The following SF3B3 variants were observed in gnomAD, a reference collection of about 807,000 sequenced individuals.
SF3B3 encodes the protein SAP 130.
A neutral mutation model predicts 139.2 loss-of-function variants in SF3B3; 33 were observed. That is an observed-to-expected ratio of 0.24 (90% CI 0.18 to 0.32). The LOEUF is 0.32. Among genes scored for constraint, SF3B3 ranks in the 10% least tolerant of loss-of-function variants. The pLI is 1.00. For missense variants in SF3B3, 818 were observed against 1,509.4 expected (o/e 0.54, Z 7.59); for synonymous variants, 596 against 563.6 (o/e 1.06, Z -0.81).
intron 6 of SF3B3, among the ~76,000 whole-genome samples, chr16:70,535,873 G>GT (rs960350042): frequency 9.9e-5 from 15 of 150,788 alleles, no homozygotes; most frequent in African/African-American, 3.4e-4. Flanking sequence ...TGCTACATTT[G>GT]TTTTTTCTTT....
At chr16:70,569,820 C>G in intron 23 of SF3B3, 186 bp from the exon 24 acceptor site, 2 of 603,148 alleles carry the variant, frequency 3.3e-6, no homozygotes, top group Non-Finnish European at 5.8e-6. Context: ...GTATACGAGA[C>G]CTCACTGTGT....
chr16:70,558,667 G>A (rs2050400420), intron 15 of SF3B3, among the ~76,000 whole-genome samples: 1 of 152,290 alleles, frequency 6.6e-6, no homozygotes, highest in African/African-American at 2.4e-5. Context: ...TGTGATCTCA[G>A]CTCACTGCAG....
In SF3B3 at chr16:70,547,701, C is replaced by A. The variant is rs9941012; in HGVS notation, c.1330-669C>A. On this transcript the variant is annotated intron_variant, in intron 10 of 25. Transcript: ENST00000302516. ...CTCCGCCTCCCGGGTTCAAGCGATT[C>A]TCCCGCCTCAGCCTCCCGAGTAGCT... Among the ~76,000 whole-genome samples, 722 of 152,338 alleles carry A rather than the reference C, an allele frequency of 4.7e-3. 5 individuals carry two copies. Among genetic ancestry groups the A allele is most frequent in the African/African-American group, 0.016 (680 of 41,576 alleles).
At chr16:70,540,221 C>T (rs890334315) in intron 8 of SF3B3, among the ~76,000 whole-genome samples, 1 of 151,060 alleles carries the variant, frequency 6.6e-6, no homozygotes, top group Non-Finnish European at 1.5e-5. Flanking sequence ...ATGGAGAAAC[C>T]CTGTCTCTAC....
At chr16:70,569,013 A>T (rs757482975) in intron 22 of SF3B3, 30 bp from the exon 23 acceptor site, 6 of 1,540,096 alleles carry the variant, frequency 3.9e-6, no homozygotes, top group Non-Finnish European at 1.8e-6. Flanking sequence ...TCCGGGCCCC[A>T]GCAGTGTGAC....
chr16:70,534,709 C>T (rs567972808), intron 5 of SF3B3, among the ~76,000 whole-genome samples: 69 of 152,216 alleles, frequency 4.5e-4, no homozygotes, highest in African/African-American at 1.6e-3. Context: ...CGCACTGTTG[C>T]CCAGGCTAGA....
intron 10 of SF3B3, among the ~76,000 whole-genome samples, chr16:70,547,117 T>C (rs1418570521): frequency 6.6e-6 from 1 of 152,262 alleles, no homozygotes; most frequent in Non-Finnish European, 1.5e-5. Context: ...TAGATTGTGG[T>C]CTCAATTGAG....
chr16:70,572,376 A>ACTGGAAGCAG lies in SF3B3; in HGVS notation c.*563_*564insCTGGAAGCAG, dbSNP rs1372426931. On this transcript the variant is annotated 3_prime_UTR_variant, in exon 26 of 26. Coordinates refer to ENST00000302516, the MANE Select transcript of SF3B3 (RefSeq NM_012426.5). Reference sequence around the variant, plus strand: ...ACCCAAGTTAGAGCAGGAAGAACTGAGTAGACTCCTTCCTTCCAGATACCG... The same window carrying ACTGGAAGCAG: ...ACCCAAGTTAGAGCAGGAAGAACTGACTGGAAGCAGGTAGACTCCTTCCTTCCAGATACCG... 1.7e-5 allele frequency: 4 copies of ACTGGAAGCAG among 231,130 alleles called. No individual in the cohort carries two copies. Among genetic ancestry groups the ACTGGAAGCAG allele is most frequent in the African/African-American group, 9.4e-5 (4 of 42,612 alleles). 14.3% of individuals were successfully genotyped at this position (231,130 alleles called of 1,614,324 possible).
At chr16:70,564,955 G>T in intron 18 of SF3B3, 110 bp from the exon 19 acceptor site, 1 of 940,250 alleles carries the variant, frequency 1.1e-6, no homozygotes. Context: ...GGCTGACTTT[G>T]CTGCTTTATG....
chr16:70,576,963 C>T lies in SF3B3; in HGVS notation c.*5150C>T, dbSNP rs2050586730. ...TGGGCAACATGACAAAACCCCATCT[C>T]TCCAAAAATACAAAAATTAGCCAGG... On this transcript the variant is annotated 3_prime_UTR_variant, in exon 26 of 26. Transcript: ENST00000302516. The T allele has an allele frequency of 6.6e-6, 1 of 152,182 alleles. No individual in the cohort carries two copies. The highest frequency in any genetic ancestry group is 6.6e-5 in the Admixed American group (1 of 15,258). 9.4% of individuals were successfully genotyped at this position (152,182 alleles called of 1,614,324 possible).
intron 3 of SF3B3, 71 bp from the exon 4 acceptor site, chr16:70,530,674 C>A: frequency 8.1e-7 from 1 of 1,240,770 alleles, no homozygotes; most frequent in Non-Finnish European, 1.1e-6. Context: ...CATGATGTGA[C>A]TCTAGCTGTT....
chr16:70,528,831 T>C, intron 2 of SF3B3, 42 bp from the exon 3 acceptor site: 2 of 1,471,556 alleles, frequency 1.4e-6, no homozygotes, highest in Non-Finnish European at 1.9e-6. Context: ...GTGGCCAGGC[T>C]GGGTTCTGGT....
At chr16:70,566,423 A>G (rs552468414) in intron 20 of SF3B3, among the ~76,000 whole-genome samples, 5 of 151,904 alleles carry the variant, frequency 3.3e-5, no homozygotes, top group Non-Finnish European at 7.4e-5. Flanking sequence ...TCAGCCAAGC[A>G]TGGTGGTGGG....
At chr16:70,562,863 C>T (rs1175052663) in intron 17 of SF3B3, among the ~76,000 whole-genome samples, 3 of 151,868 alleles carry the variant, frequency 2.0e-5, no homozygotes, top group African/African-American at 7.3e-5. Context: ...AGGTCTTACT[C>T]TGTTGTACAG....
At chr16:70,529,615 T>A (rs1489853280) in intron 3 of SF3B3, 1 of 181,092 alleles carries the variant, frequency 5.5e-6, no homozygotes, top group East Asian at 1.6e-4. Flanking sequence ...AATCGTTAGA[T>A]CTATTTCAGA....
At position 70,534,390 on chromosome 16, in the gene SF3B3, TAGAA is replaced by T. The variant is rs534926109; in HGVS notation, c.713-914_713-911del. Among the ~76,000 whole-genome samples the T allele has an allele frequency of 6.6e-5, 10 of 152,272 alleles. No individual in the cohort carries two copies. The East Asian group carries it at 7.7e-4, about 12-fold the overall frequency. On this transcript the variant is annotated intron_variant, in intron 5 of 25. Transcript: ENST00000302516. ...AAATAATCTGATAGGTTGACAACCT[TAGAA>T]AGATTAATTGCTTACATTTTGGCTA...
At chr16:70,569,285 C>A in intron 23 of SF3B3, 144 bp downstream of exon 23, 1 of 576,392 alleles carries the variant, frequency 1.7e-6, no homozygotes, top group Non-Finnish European at 3.1e-6. Flanking sequence ...TCTTACCAAT[C>A]TGCAAAAAAT....
At chr16:70,568,208 C>G (rs780793401) in intron 21 of SF3B3, 75 bp from the exon 22 acceptor site, 3 of 1,141,418 alleles carry the variant, frequency 2.6e-6, no homozygotes, top group Non-Finnish European at 4.0e-6. Flanking sequence ...GTATGTCATA[C>G]GGAAAGCTGG....
In SF3B3 at chr16:70,567,547, T is replaced by C; in HGVS notation, c.2952+11T>C. The C allele has an allele frequency of 1.9e-6, 3 of 1,611,804 alleles. No homozygotes were observed. In the South Asian group the frequency reaches 3.3e-5, roughly 18 times the overall value. ...AAATGTGAGAATAAGGTAAGTGTGC[T>C]GGCATTGGTGCTGAGATCTAGCTCA... On this transcript the variant is annotated intron_variant, in intron 21 of 25. Transcript: ENST00000302516.
Sources: allele counts gnomAD v4.1 joint callset (sites outside exome capture counted in the v4.1 genomes callset), GRCh38; gene constraint gnomAD v4.1.1; transcripts MANE v1.5; gene names NCBI Gene and HGNC (gene_info 2026-07-23, HGNC 2026-07-21).